PLCL2: variants seen among roughly 807,000 people sequenced by gnomAD.
PLCL2 encodes phospholipase C like 2, also known as inactive phospholipase C-like protein 2.
In PLCL2, 4 loss-of-function variants were observed where a neutral mutation model predicts 79.6. The observed-to-expected ratio is 0.05, with a 90% CI of 0.02 to 0.11. The LOEUF (loss-of-function observed/expected upper bound fraction) is 0.11, where lower values mean the gene tolerates loss of function less well. PLCL2 is among the 10% of genes least tolerant of loss of function. The pLI is 1.00. For synonymous variants in PLCL2, 484 were observed against 457.7 expected, an observed-to-expected ratio of 1.06 and a Z score of -0.73; for missense variants, 895 against 1,291.0, an observed-to-expected ratio of 0.69 and a Z score of 4.70.
intron 5 of PLCL2, among the ~76,000 whole-genome samples, chr3:17,078,266 G>T (rs1230248417): frequency 1.3e-5 from 2 of 152,182 alleles, no homozygotes; most frequent in Admixed American, 1.3e-4. Flanking sequence ...CTAGTGGCTT[G>T]AAACAATGAC....
intron 3 of PLCL2, 91 bp downstream of exon 3, chr3:17,015,002 G>A: frequency 1.0e-6 from 1 of 986,530 alleles, no homozygotes; most frequent in Non-Finnish European, 1.6e-6. Flanking sequence ...TTGCTGAAGT[G>A]CACTTTCCTA....
At chr3:16,964,213 T>C (rs2063783097) in intron 1 of PLCL2, among the ~76,000 whole-genome samples, 1 of 129,034 alleles carries the variant, frequency 7.7e-6, no homozygotes, top group Non-Finnish European at 1.6e-5. Context: ...ATGTTCCCCT[T>C]CCTGTGTCTA....
intron 3 of PLCL2, among the ~76,000 whole-genome samples, chr3:17,017,483 G>A (rs969954936): frequency 1.1e-4 from 16 of 152,074 alleles, no homozygotes; most frequent in Admixed American, 3.3e-4. Context: ...ATTTATTAAA[G>A]CTAGCCAGAA....
chr3:16,945,275 C>G (rs1232149476), intron 1 of PLCL2, among the ~76,000 whole-genome samples: 4 of 152,062 alleles, frequency 2.6e-5, no homozygotes, highest in Non-Finnish European at 5.9e-5. Context: ...CACACACATG[C>G]ACACACAGCA....
chr3:16,993,498 C>T (rs1222391281), intron 1 of PLCL2, among the ~76,000 whole-genome samples: 1 of 152,098 alleles, frequency 6.6e-6, no homozygotes, highest in Non-Finnish European at 1.5e-5. Flanking sequence ...ACTGAAGGGT[C>T]AGCTTCAAAA....
chr3:17,059,557 T>G (rs1295665967), intron 4 of PLCL2, among the ~76,000 whole-genome samples: 1 of 151,856 alleles, frequency 6.6e-6, no homozygotes, highest in East Asian at 1.9e-4. Context: ...TATACATATA[T>G]AAGAAAGATC....
In PLCL2 at chr3:17,090,014, T is replaced by A. The variant is rs1189378182; in HGVS notation, c.*102T>A. 1 of 1,432,466 alleles carries A rather than the reference T, an allele frequency of 7.0e-7. No homozygotes were observed. The highest frequency in any genetic ancestry group is 9.2e-7 in the Non-Finnish European group (1 of 1,088,426). The allele number at this position is 1,432,466 out of a possible 1,614,324, so 88.7% of individuals were successfully genotyped here. On this transcript the variant is annotated 3_prime_UTR_variant, in exon 6 of 6. Coordinates refer to ENST00000615277, the MANE Select transcript of PLCL2 (RefSeq NM_001144382.2). Reference sequence around the variant, plus strand: ...TCACTAATGAGAATAATATTCGGGATTTTAAAGCACAACTGGAATAGCTAA... The same window carrying A: ...TCACTAATGAGAATAATATTCGGGAATTTAAAGCACAACTGGAATAGCTAA...
chr3:16,919,571 T>C (rs1697075858), intron 1 of PLCL2, among the ~76,000 whole-genome samples: 1 of 152,180 alleles, frequency 6.6e-6, no homozygotes, highest in South Asian at 2.1e-4. Flanking sequence ...TTTCTTTACT[T>C]TTTCTTTCTT....
At chr3:16,888,378 A>G (rs1490547486) in intron 1 of PLCL2, among the ~76,000 whole-genome samples, 2 of 152,262 alleles carry the variant, frequency 1.3e-5, no homozygotes, top group Non-Finnish European at 2.9e-5. Context: ...AGTGTTGATT[A>G]AAATTCAGAG....
rs370816771 is a variant in PLCL2, at chr3:16,986,628, C to T, written c.328-23046C>T. Among the ~76,000 whole-genome samples the T allele has an allele frequency of 4.6e-5, 7 of 152,162 alleles. 1 individual carries two copies. ...GTGTTGGCCAGGCTGGTCTCTAACT[C>T]CTGACCTCAAGTGATCTGCCCACCT... On this transcript the variant is annotated intron_variant, in intron 1 of 5. Coordinates refer to ENST00000615277, the MANE Select transcript of PLCL2 (RefSeq NM_001144382.2).
chr3:17,036,706 T>C (rs539341574), intron 3 of PLCL2, among the ~76,000 whole-genome samples: 5 of 152,308 alleles, frequency 3.3e-5, no homozygotes, highest in East Asian at 1.9e-4. Context: ...ACCAGGGACG[T>C]TGAGCTTTAA....
chr3:16,956,961 C>T (rs1265509595), intron 1 of PLCL2, among the ~76,000 whole-genome samples: 2 of 151,698 alleles, frequency 1.3e-5, no homozygotes, highest in Admixed American at 1.3e-4. Flanking sequence ...TCAATTTTGT[C>T]CATCTTTTCA....
At chr3:16,927,608 C>G (rs985027520) in intron 1 of PLCL2, among the ~76,000 whole-genome samples, 2 of 152,110 alleles carry the variant, frequency 1.3e-5, no homozygotes. Flanking sequence ...AGCCTGGGCA[C>G]CATTGACAAT....
chr3:16,907,141 A>T (rs1040708647), intron 1 of PLCL2, among the ~76,000 whole-genome samples: 2 of 152,174 alleles, frequency 1.3e-5, no homozygotes, highest in East Asian at 3.8e-4. Context: ...GCCCTGTTTC[A>T]TGAAAGGAAA....
intron 1 of PLCL2, among the ~76,000 whole-genome samples, chr3:16,987,754 C>T (rs1197565305): frequency 1.3e-5 from 2 of 152,060 alleles, no homozygotes; most frequent in Non-Finnish European, 2.9e-5. Flanking sequence ...TTTTGATTCA[C>T]GTATTCTCTT....
intron 5 of PLCL2, among the ~76,000 whole-genome samples, chr3:17,071,780 A>C (rs200235443): frequency 6.6e-6 from 1 of 152,140 alleles, no homozygotes; most frequent in South Asian, 2.1e-4. Context: ...CACAAGCACT[A>C]ATGTCTCAGA....
intron 1 of PLCL2, among the ~76,000 whole-genome samples, chr3:16,943,854 T>C (rs2063577719): frequency 6.6e-6 from 1 of 152,222 alleles, no homozygotes; most frequent in Non-Finnish European, 1.5e-5. Context: ...CTCTTCTAGG[T>C]AGCTTGATTT....
At chr3:17,069,081 T>C (rs986112373) in intron 5 of PLCL2, among the ~76,000 whole-genome samples, 6 of 152,184 alleles carry the variant, frequency 3.9e-5, no homozygotes, top group African/African-American at 1.4e-4. Context: ...CTACATATTA[T>C]ATTTATTTAA....
chr3:16,929,197 G>A (rs1310267631), intron 1 of PLCL2, among the ~76,000 whole-genome samples: 1 of 152,010 alleles, frequency 6.6e-6, no homozygotes, highest in Non-Finnish European at 1.5e-5. Flanking sequence ...TGGGAGAGAG[G>A]GGAGGAGGGA....
Sources: allele counts gnomAD v4.1 joint callset (sites outside exome capture counted in the v4.1 genomes callset), GRCh38; gene constraint gnomAD v4.1.1; transcripts MANE v1.5; gene names NCBI Gene and HGNC (gene_info 2026-07-23, HGNC 2026-07-21).